PPP2R3A: variants seen among roughly 807,000 people sequenced by gnomAD.
PPP2R3A encodes protein phosphatase 2 regulatory subunit B''alpha, also known as serine/threonine-protein phosphatase 2A regulatory subunit B'' subunit alpha.
A neutral mutation model predicts 106.9 loss-of-function variants in PPP2R3A; 80 were observed. The observed-to-expected ratio is 0.75, with a 90% CI of 0.62 to 0.90. The LOEUF is 0.90. Ranked by LOEUF, PPP2R3A falls within the 40% of genes least tolerant of loss-of-function variation. The probability of loss-of-function intolerance (pLI) is 0.00; values close to 1 mark genes in which losing one functional copy is unlikely to be tolerated. For synonymous variants in PPP2R3A, 483 were observed against 468.3 expected (o/e 1.03, Z -0.41); for missense variants, 1,386 against 1,350.4 (o/e 1.03, Z -0.41).
chr3:136,003,371 C>T lies in PPP2R3A; in HGVS notation c.1873C>T (p.Leu625=), dbSNP rs758971933. 74 of 1,613,856 alleles carry T rather than the reference C, an allele frequency of 4.6e-5. No homozygotes were observed. Among genetic ancestry groups the T allele is most frequent in the Non-Finnish European group, 5.2e-5 (61 of 1,179,942 alleles). Residue 625 remains leucine (L), a synonymous_variant, in exon 2 of 14, where the codon CTA becomes TTA. Transcript: ENST00000264977. The part of the protein sequence containing the change: ...LSQEKEMMQI[L]QETLTTSSQA... Reference sequence around the variant, plus strand: ...ACAAGAAAAGGAAATGATGCAAATTCTACAGGAAACCTTGACAACTTCCTC... The same window carrying T: ...ACAAGAAAAGGAAATGATGCAAATTTTACAGGAAACCTTGACAACTTCCTC...
At chr3:136,104,298 T>TTGTGTGTGTGTGTGTG (rs55839641) in intron 12 of PPP2R3A, among the ~76,000 whole-genome samples, 1 of 148,660 alleles carries the variant, frequency 6.7e-6, no homozygotes, top group African/African-American at 2.5e-5. Flanking sequence ...GTTTCTTTCT[T>TTGTGTGTGTGTGTGTG]TGTGTGTGTG....
In PPP2R3A at chr3:136,059,108, G is replaced by T. The variant is rs181534924; in HGVS notation, c.2469+9747G>T. ...AGCTTTCATGACAAAGACACCAAGA[G>T]CAATTGTAACGGGCAAAAATTGACA... On this transcript the variant is annotated intron_variant, in intron 5 of 13. Coordinates refer to ENST00000264977, the MANE Select transcript of PPP2R3A (RefSeq NM_002718.5). Among the ~76,000 whole-genome samples the T allele has an allele frequency of 2.6e-5, 4 of 152,188 alleles. No homozygotes were observed. The East Asian group carries it at 7.7e-4, about 29-fold the overall frequency.
chr3:136,081,878 C>G (rs967710518), intron 7 of PPP2R3A, among the ~76,000 whole-genome samples: 1 of 152,114 alleles, frequency 6.6e-6, no homozygotes, highest in African/African-American at 2.4e-5. Flanking sequence ...GATGCCTACC[C>G]CTCTTAATGT....
At chr3:136,065,849 CA>C (rs1328492819) in intron 5 of PPP2R3A, among the ~76,000 whole-genome samples, 2 of 152,012 alleles carry the variant, frequency 1.3e-5, no homozygotes, top group African/African-American at 4.8e-5. Flanking sequence ...CTAATTTTTA[CA>C]TTTTTTATAG....
chr3:136,004,886 T>C (rs1459825227), intron 2 of PPP2R3A, among the ~76,000 whole-genome samples: 2 of 152,200 alleles, frequency 1.3e-5, no homozygotes, highest in African/African-American at 4.8e-5. Flanking sequence ...CGTAGTAATT[T>C]TTTAAAAAAC....
chr3:136,024,913 A>C (rs1179699016), intron 2 of PPP2R3A, among the ~76,000 whole-genome samples: 2 of 152,200 alleles, frequency 1.3e-5, no homozygotes, highest in African/African-American at 4.8e-5. Context: ...GGACTGTGTA[A>C]TATTTACAGA....
At chr3:136,106,409 T>C in intron 13 of PPP2R3A, 87 bp downstream of exon 13, 4 of 1,179,390 alleles carry the variant, frequency 3.4e-6, no homozygotes, top group Non-Finnish European at 4.8e-6. Context: ...AATCCTTTTC[T>C]GTTTTTTCCA....
At chr3:136,075,442 A>C (rs965110096) in intron 6 of PPP2R3A, among the ~76,000 whole-genome samples, 3 of 152,220 alleles carry the variant, frequency 2.0e-5, no homozygotes, top group Non-Finnish European at 4.4e-5. Context: ...AAAGTGCTGA[A>C]TCAGTGATGT....
chr3:136,087,632 TG>T (rs1230722944), intron 8 of PPP2R3A: 3 of 339,404 alleles, frequency 8.8e-6, no homozygotes, highest in Admixed American at 4.6e-5. Flanking sequence ...TTGTCCTAGC[TG>T]TCAGGATGTT....
intron 2 of PPP2R3A, among the ~76,000 whole-genome samples, chr3:136,021,908 AGTATATGGGAGAAT>A (rs1393371293): frequency 5.3e-5 from 8 of 152,148 alleles, no homozygotes; most frequent in Non-Finnish European, 1.2e-4. Context: ...AATGCTTTAA[AGTATATGGGAGAAT>A]GTGAGTAGGT....
intron 13 of PPP2R3A, among the ~76,000 whole-genome samples, chr3:136,143,472 C>A (rs1184208589): frequency 6.6e-6 from 1 of 151,890 alleles, no homozygotes; most frequent in Non-Finnish European, 1.5e-5. Flanking sequence ...GCCTGGGCAA[C>A]AGAGCAAGAC....
chr3:136,132,671 T>C (rs527392188), intron 13 of PPP2R3A, among the ~76,000 whole-genome samples: 1 of 152,012 alleles, frequency 6.6e-6, no homozygotes, highest in African/African-American at 2.4e-5. Flanking sequence ...TGTTAAAATG[T>C]CAATTATCCC....
chr3:136,128,390 T>G (rs1335996611), intron 13 of PPP2R3A, among the ~76,000 whole-genome samples: 15 of 148,450 alleles, frequency 1.0e-4, no homozygotes, highest in Admixed American at 1.3e-4. Flanking sequence ...TAAAACAGAC[T>G]TTAAACCAAC....
chr3:136,052,824 A>G (rs1935727141), intron 5 of PPP2R3A, among the ~76,000 whole-genome samples: 1 of 152,210 alleles, frequency 6.6e-6, no homozygotes, highest in Non-Finnish European at 1.5e-5. Flanking sequence ...AAATAGAGAC[A>G]TTATCCTCCC....
At position 136,087,873 on chromosome 3, in the gene PPP2R3A, C is replaced by A; in HGVS notation, c.2789-10C>A. The A allele has an allele frequency of 6.3e-7, 1 of 1,588,620 alleles. No homozygotes were observed. The highest frequency in any genetic ancestry group is 8.6e-7 in the Non-Finnish European group (1 of 1,167,764). On this transcript the variant is annotated splice_polypyrimidine_tract_variant and intron_variant, in intron 8 of 13. Transcript: ENST00000264977. Reference sequence around the variant, plus strand: ...ACTAGCTTTGCAATTTTTTTTTTATCTACATTTAGCTTCATCAAGCAGGAT... The same window carrying A: ...ACTAGCTTTGCAATTTTTTTTTTATATACATTTAGCTTCATCAAGCAGGAT...
intron 1 of PPP2R3A, among the ~76,000 whole-genome samples, chr3:135,992,645 A>G (rs1365328646): frequency 5.3e-5 from 8 of 152,206 alleles, no homozygotes; most frequent in African/African-American, 1.9e-4. Flanking sequence ...TGTAGCTCTA[A>G]TATCTGCAGG....
intron 2 of PPP2R3A, among the ~76,000 whole-genome samples, chr3:136,025,742 A>G (rs1403764): frequency 0.014 from 2,080 of 152,246 alleles, 53 homozygotes; most frequent in African/African-American, 0.048. Flanking sequence ...CTTTGTGTTC[A>G]TAATACCTAT....
At chr3:136,058,920 T>G (rs1439411025) in intron 5 of PPP2R3A, among the ~76,000 whole-genome samples, 1 of 152,238 alleles carries the variant, frequency 6.6e-6, no homozygotes, top group East Asian at 1.9e-4. Context: ...TAAATGGTGC[T>G]GGGATAACTG....
chr3:136,145,099 G>A lies in PPP2R3A; in HGVS notation c.3386G>A (p.Ser1129Asn). The change falls in exon 14 of 14, where the codon AGC (serine) becomes AAC (asparagine). Residue 1129 changes from serine to asparagine, a missense_variant. Transcript: ENST00000264977. ...PASPSEFGNK[S>N]NKILSASLPE... ...TCTCCCTCTGAATTTGGAAACAAAA[G>A]CAATAAAATATTAAGTGCAAGCCTT... The A allele has an allele frequency of 6.2e-7, 1 of 1,613,744 alleles. No homozygotes were observed. The highest frequency in any genetic ancestry group is 1.3e-5 in the African/African-American group (1 of 75,046).
Sources: allele counts gnomAD v4.1 joint callset (sites outside exome capture counted in the v4.1 genomes callset), GRCh38; gene constraint gnomAD v4.1.1; transcripts MANE v1.5; gene names NCBI Gene and HGNC (gene_info 2026-07-23, HGNC 2026-07-21).